The following AIG1 variants were observed in gnomAD, a reference collection of about 807,000 sequenced individuals.
AIG1 encodes androgen induced 1, also known as androgen-induced gene 1 protein.
Under a neutral mutation model 31.4 loss-of-function variants are expected in AIG1, and 23 were observed. That is an observed-to-expected ratio of 0.73 (90% CI 0.53 to 1.04). The LOEUF is 1.04. Ranked by LOEUF, AIG1 falls within the 50% of genes least tolerant of loss-of-function variation. AIG1 has a pLI of 0.00. For missense variants in AIG1, 274 were observed against 295.0 expected, an observed-to-expected ratio of 0.93 and a Z score of 0.52; for synonymous variants, 100 against 110.5, an observed-to-expected ratio of 0.90 and a Z score of 0.60.
intron 3 of AIG1, among the ~76,000 whole-genome samples, chr6:143,171,551 A>T (rs891993904): frequency 2.2e-5 from 3 of 135,640 alleles, no homozygotes; most frequent in Non-Finnish European, 3.1e-5. Context: ...TATATATATA[A>T]AATCACATTT....
chr6:143,271,357 C>T (rs1371361426), intron 3 of AIG1, among the ~76,000 whole-genome samples: 2 of 152,132 alleles, frequency 1.3e-5, no homozygotes, highest in African/African-American at 2.4e-5. Flanking sequence ...CCAGCATTAA[C>T]CTAATGCTTT....
At chr6:143,177,220 TC>T (rs1233698351) in intron 3 of AIG1, among the ~76,000 whole-genome samples, 7 of 152,352 alleles carry the variant, frequency 4.6e-5, no homozygotes, top group Admixed American at 2.6e-4. Flanking sequence ...TTTCATTGAA[TC>T]TATTTGTGTT....
At chr6:143,156,135 G>A (rs2128553283) in intron 2 of AIG1, among the ~76,000 whole-genome samples, 1 of 152,280 alleles carries the variant, frequency 6.6e-6, no homozygotes, top group Non-Finnish European at 1.5e-5. Context: ...TTAGGTTGGT[G>A]CAAACGTAAT....
chr6:143,093,790 A>G (rs907600077), intron 1 of AIG1, among the ~76,000 whole-genome samples: 1 of 152,172 alleles, frequency 6.6e-6, no homozygotes, highest in Non-Finnish European at 1.5e-5. Flanking sequence ...GGAAATAGGG[A>G]GGCCTGAAGA....
intron 3 of AIG1, among the ~76,000 whole-genome samples, chr6:143,278,437 T>A (rs1048622826): frequency 6.6e-6 from 1 of 152,080 alleles, no homozygotes; most frequent in Non-Finnish European, 1.5e-5. Flanking sequence ...GAGTCTCTCT[T>A]TCATGCCAGT....
intron 2 of AIG1, among the ~76,000 whole-genome samples, chr6:143,152,898 A>G (rs540057663): frequency 6.6e-6 from 1 of 152,350 alleles, no homozygotes; most frequent in Admixed American, 6.5e-5. Context: ...AAGAAAATCA[A>G]ACCTAATAGC....
chr6:143,254,422 A>G (rs1168502982), intron 3 of AIG1, among the ~76,000 whole-genome samples: 1 of 152,164 alleles, frequency 6.6e-6, no homozygotes, highest in Admixed American at 6.5e-5. Context: ...TTCCCTGGAC[A>G]CTTGAACAGT....
chr6:143,145,155 G>T (rs1784597971), intron 2 of AIG1, among the ~76,000 whole-genome samples: 1 of 152,096 alleles, frequency 6.6e-6, no homozygotes, highest in Non-Finnish European at 1.5e-5. Context: ...ATCCCGAGTA[G>T]CTGGGACCAC....
intron 4 of AIG1, among the ~76,000 whole-genome samples, chr6:143,301,653 AG>A (rs1798833366): frequency 1.3e-5 from 2 of 152,260 alleles, no homozygotes; most frequent in South Asian, 4.2e-4. Context: ...CCCTTTATAA[AG>A]TGTCAGATCT....
rs1777653745 is a variant in AIG1, at chr6:143,338,226, G to GT, written c.680-1412dup. ...CACATGTGCTGTTTGAGCTGAATCT[G>GT]TGCTGTTTTCTTCTTTCCGTGGTTA... is the stretch of plus-strand genomic sequence containing the variant. On this transcript the variant is annotated intron_variant, in intron 5 of 5. Transcript: ENST00000357847. This position sits in a 1 kb window ranked among gnomAD's most constrained non-coding sequence, Gnocchi z 4.3. 5.1e-6 allele frequency: 2 copies of GT among 391,604 alleles called. No individual in the cohort carries two copies. The highest frequency in any genetic ancestry group is 9.0e-6 in the Non-Finnish European group (2 of 222,210). The allele number at this position is 391,604 out of a possible 1,614,324, so 24.3% of individuals were successfully genotyped here. A position where few individuals can be genotyped will look rare whatever the true frequency, so the allele number is the denominator to read the frequency against.
At position 143,083,476 on chromosome 6, in the gene AIG1, C is replaced by G. The variant is rs9390050; in HGVS notation, c.141+22410C>G. ...TGCAGAAAAAAGCATCCCTAAGGTC[C>G]AGGACTGTAAACCACTCTGCTTCCT... On this transcript the variant is annotated intron_variant, in intron 1 of 5. Coordinates refer to ENST00000357847, the MANE Select transcript of AIG1 (RefSeq NM_016108.4). Among the ~76,000 whole-genome samples, 425 of 152,254 alleles carry G rather than the reference C, an allele frequency of 2.8e-3. 10 individuals carry two copies. In the East Asian group the frequency reaches 0.05, roughly 18 times the overall value.
At chr6:143,343,106 G>T, downstream of AIG1, 3 of 769,094 alleles carry the variant, frequency 3.9e-6, no homozygotes, top group East Asian at 2.4e-5. Context: ...GCAGCTGTCC[G>T]CACTAAGATC....
In AIG1 at chr6:143,136,840, C is replaced by G. The variant is rs768453109; in HGVS notation, c.147C>G (p.Ile49Met). The change falls in exon 2 of 6, where the codon ATC (isoleucine) becomes ATG (methionine). Residue 49 changes from isoleucine (I) to methionine (M), a missense_variant. Around this residue, in one of 2 missense-constraint regions of AIG1, gnomAD observed 243 missense variants for 238.5 expected, o/e 1.02. Transcript: ENST00000357847. ...CGGCTGTTGTCCCCCTACAGGTTAT[C>G]CAGGCTGTCTTTTTTGGCATCTGTG... Reference protein sequence around the residue: ...WKFLTFIDLVIQAVFFGICVL... With the variant: ...WKFLTFIDLVMQAVFFGICVL... The G allele has an allele frequency of 7.0e-7, 1 of 1,424,054 alleles. No individual in the cohort carries two copies. The allele number at this position is 1,424,054 out of a possible 1,614,324, so 88.2% of individuals were successfully genotyped here.
At chr6:143,281,338 C>G in intron 3 of AIG1, among the ~76,000 whole-genome samples, 1 of 152,210 alleles carries the variant, frequency 6.6e-6, no homozygotes, top group East Asian at 1.9e-4. Flanking sequence ...CTGAGTACCT[C>G]TCTTGTGCCA....
chr6:143,237,223 C>A (rs1282335143), intron 3 of AIG1, among the ~76,000 whole-genome samples: 1 of 152,152 alleles, frequency 6.6e-6, no homozygotes, highest in Non-Finnish European at 1.5e-5. Flanking sequence ...CATTAGCAAT[C>A]CCCATCTATC....
intron 4 of AIG1, among the ~76,000 whole-genome samples, chr6:143,295,753 G>A (rs949848523): frequency 5.3e-5 from 8 of 151,586 alleles, no homozygotes; most frequent in Non-Finnish European, 1.2e-4. Flanking sequence ...TTCTGCCAGG[G>A]GATTTAAAAA....
intron 4 of AIG1, among the ~76,000 whole-genome samples, chr6:143,302,181 T>C (rs191310660): frequency 5.9e-5 from 9 of 151,938 alleles, no homozygotes; most frequent in African/African-American, 1.7e-4. Flanking sequence ...ACTAACACTT[T>C]TATTTTTTTA....
chr6:143,264,766 T>C (rs1000596953), intron 3 of AIG1, among the ~76,000 whole-genome samples: 3 of 152,208 alleles, frequency 2.0e-5, no homozygotes, highest in African/African-American at 7.2e-5. Flanking sequence ...AACAATATTT[T>C]GAAGACCCAA....
chr6:143,081,776 G>A (rs1043999952), intron 1 of AIG1, among the ~76,000 whole-genome samples: 6 of 152,234 alleles, frequency 3.9e-5, no homozygotes, highest in South Asian at 2.1e-4. Flanking sequence ...CCATCCTGAG[G>A]AGAGGAAACT....
Sources: allele counts gnomAD v4.1 joint callset (sites outside exome capture counted in the v4.1 genomes callset), GRCh38; gene constraint gnomAD v4.1.1; regional missense constraint gnomAD v4.1.1; non-coding constraint Gnocchi (gnomAD v3.1); transcripts MANE v1.5; gene names NCBI Gene and HGNC (gene_info 2026-07-23, HGNC 2026-07-21).